The following ATPAF1 variants were observed in gnomAD, a reference collection of about 807,000 sequenced individuals.
ATPAF1 encodes the protein homolog of yeast ATP11.
In ATPAF1, 26 loss-of-function variants were observed where a neutral mutation model predicts 43.9. That is an observed-to-expected ratio of 0.59 (90% CI 0.43 to 0.82). ATPAF1 has a LOEUF of 0.82. ATPAF1 is among the 40% of genes least tolerant of loss of function. The pLI, the probability that ATPAF1 is intolerant of heterozygous loss-of-function variation, is 0.00. For synonymous variants in ATPAF1, 157 were observed against 168.0 expected, an observed-to-expected ratio of 0.93 and a Z score of 0.50; for missense variants, 366 against 435.0, an observed-to-expected ratio of 0.84 and a Z score of 1.41.
In ATPAF1 at chr1:46,665,852, A is replaced by G. The variant is rs1297757208; in HGVS notation, c.267-488T>C. ...TAGCCTATTTTGCAGAAGATTTAGC[A>G]TCTGAGTATCTCCCTAACCTACCCT... On this transcript the variant is annotated intron_variant, in intron 1 of 8. Transcript: ENST00000574428. 5 of 1,424,090 alleles carry G rather than the reference A, an allele frequency of 3.5e-6. No individual in the cohort carries two copies. In the African/African-American group the frequency reaches 7.3e-5, roughly 21 times the overall value. The allele number at this position is 1,424,090 out of a possible 1,614,324, so 88.2% of individuals were successfully genotyped here.
chr1:46,638,547 G>A lies in ATPAF1; in HGVS notation c.793-2577C>T, dbSNP rs371431809. ...TGAGGCAGGAGAATGGCGTGAACCCGGGAGGCAGAGCTTGCAGTGAGCCGA... is the reference window on the plus strand; with the variant it reads ...TGAGGCAGGAGAATGGCGTGAACCCAGGAGGCAGAGCTTGCAGTGAGCCGA... On this transcript the variant is annotated intron_variant, in intron 8 of 8. Transcript: ENST00000574428. Among the ~76,000 whole-genome samples the A allele has an allele frequency of 2.8e-4, 43 of 151,908 alleles. No homozygotes were observed. In the East Asian group the frequency reaches 6.2e-3, roughly 22 times the overall value.
downstream of ATPAF1, chr1:46,633,634 A>C (rs1675788373): frequency 4.8e-6 from 2 of 417,500 alleles, no homozygotes; most frequent in Admixed American, 6.7e-5. Context: ...AAATATAAAG[A>C]ACAGCTACGT....
At position 46,643,189 on chromosome 1, in the gene ATPAF1, C is replaced by T; in HGVS notation, c.792+5G>A. The stretch of plus-strand genomic sequence containing the variant: ...ATCCAAAGAGTTTTGCAAGTTAATT[C>T]TTACCAGAAATGTGGAATCCATTTC... On this transcript the variant is annotated splice_donor_5th_base_variant and intron_variant, in intron 8 of 8. Coordinates refer to ENST00000574428, the Ensembl canonical transcript of ATPAF1. The T allele has an allele frequency of 6.2e-7, 1 of 1,607,932 alleles. No individual in the cohort carries two copies. The highest frequency in any genetic ancestry group is 8.5e-7 in the Non-Finnish European group (1 of 1,174,844).
chr1:46,633,953 G>C, downstream of ATPAF1: 1 of 404,438 alleles, frequency 2.5e-6, no homozygotes, highest in South Asian at 1.8e-5. Flanking sequence ...GGGCAGATAA[G>C]ACTCAAGTTT....
chr1:46,655,155 C>T (rs966779828), intron 4 of ATPAF1, among the ~76,000 whole-genome samples: 44 of 152,142 alleles, frequency 2.9e-4, no homozygotes, highest in Admixed American at 2.8e-3. Flanking sequence ...GTAACTGCCC[C>T]TATGATTCAA....
At chr1:46,643,053 A>T in intron 8 of ATPAF1, 141 bp downstream of exon 8, 1 of 679,652 alleles carries the variant, frequency 1.5e-6, no homozygotes, top group South Asian at 1.8e-5. Context: ...GAGCAAGACA[A>T]CTTCACTGTC....
At chr1:46,648,215 G>A (rs1383435892) in intron 6 of ATPAF1, among the ~76,000 whole-genome samples, 8 of 152,092 alleles carry the variant, frequency 5.3e-5, no homozygotes, top group Admixed American at 4.6e-4. Context: ...AGGTTCAAGC[G>A]ATTCTCATGC....
At chr1:46,638,334 T>C (rs1675878145) in intron 8 of ATPAF1, among the ~76,000 whole-genome samples, 1 of 152,140 alleles carries the variant, frequency 6.6e-6, no homozygotes, top group Non-Finnish European at 1.5e-5. Flanking sequence ...AAAAAGAAGT[T>C]TGGGCCAGGC....
chr1:46,635,677 G>T, exon 9 of ATPAF1: 1 of 1,209,316 alleles, frequency 8.3e-7, no homozygotes, highest in Non-Finnish European at 1.2e-6. Flanking sequence ...ATTACCAACT[G>T]CTCATTATAA....
intron 8 of ATPAF1, among the ~76,000 whole-genome samples, chr1:46,642,976 G>A (rs1181143823): frequency 6.6e-6 from 1 of 152,174 alleles, no homozygotes; most frequent in Non-Finnish European, 1.5e-5. Flanking sequence ...TGTTCTCAGA[G>A]CCCATGGGTT....
intron 8 of ATPAF1, among the ~76,000 whole-genome samples, chr1:46,637,629 C>T (rs746366671): frequency 7.2e-5 from 11 of 152,104 alleles, no homozygotes; most frequent in East Asian, 1.9e-4. Context: ...ATGATGAAGA[C>T]GGGTTTATAA....
chr1:46,663,911 T>A, intron 2 of ATPAF1: 1 of 1,284,938 alleles, frequency 7.8e-7, no homozygotes, highest in Non-Finnish European at 1.0e-6. Context: ...ACCAGTTTGT[T>A]CTGTGCACCA....
chr1:46,659,851 T>C (rs896969666), intron 2 of ATPAF1, among the ~76,000 whole-genome samples: 1 of 152,230 alleles, frequency 6.6e-6, no homozygotes, highest in African/African-American at 2.4e-5. Context: ...ACCCACAAAT[T>C]AGAGAAAAGC....
At chr1:46,642,162 T>C (rs747188787) in intron 8 of ATPAF1, among the ~76,000 whole-genome samples, 1 of 152,164 alleles carries the variant, frequency 6.6e-6, no homozygotes, top group Non-Finnish European at 1.5e-5. Context: ...GAAGGGTTAA[T>C]GTGGAAGGAA....
chr1:46,644,543 A>G (rs1676004227), intron 7 of ATPAF1, among the ~76,000 whole-genome samples: 1 of 149,220 alleles, frequency 6.7e-6, no homozygotes, highest in East Asian at 2.0e-4. Context: ...CCCCAACTTC[A>G]AAGCCAATAT....
chr1:46,650,094 T>C (rs1164214876), intron 6 of ATPAF1, among the ~76,000 whole-genome samples: 1 of 152,218 alleles, frequency 6.6e-6, no homozygotes, highest in African/African-American at 2.4e-5. Context: ...CCACCCCACC[T>C]ATTCCTTTTC....
chr1:46,668,057 C>A lies in ATPAF1; in HGVS notation c.266G>T (p.Arg89Met). 1 of 1,413,848 alleles carries A rather than the reference C, an allele frequency of 7.1e-7. No homozygotes were observed. The highest frequency in any genetic ancestry group is 1.5e-5 in the South Asian group (1 of 64,694). The allele number at this position is 1,413,848 out of a possible 1,614,324, so 87.6% of individuals were successfully genotyped here. The stretch of plus-strand genomic sequence containing the variant: ...GCCTCCAGCCAACCCAGGCCCGCAC[C>A]TGCGCAGCAGCTGGATCTTGTCGCG... Residue 89 changes from arginine (R) to methionine (M), a missense_variant and splice_region_variant, in exon 1 of 9, where the codon AGG (arginine) becomes ATG (methionine). Around this residue, in one of 2 missense-constraint regions of ATPAF1, gnomAD observed 186 missense variants for 168.5 expected, o/e 1.10. Transcript: ENST00000574428. The surrounding 1 kb of genome is among the most constrained non-coding windows in gnomAD (Gnocchi z 4.4).
exon 9 of ATPAF1, chr1:46,635,753 G>A (rs770234213): frequency 1.9e-6 from 3 of 1,597,278 alleles, no homozygotes; most frequent in Non-Finnish European, 2.6e-6. Context: ...AGTCAACTAG[G>A]TGAAGGGCCA....
chr1:46,635,634 G>T, exon 9 of ATPAF1: 1 of 727,512 alleles, frequency 1.4e-6, no homozygotes, highest in Non-Finnish European at 2.2e-6. Context: ...GCTCATCTCT[G>T]TGACTGCTTG....
Sources: allele counts gnomAD v4.1 joint callset (sites outside exome capture counted in the v4.1 genomes callset), GRCh38; gene constraint gnomAD v4.1.1; regional missense constraint gnomAD v4.1.1; non-coding constraint Gnocchi (gnomAD v3.1); transcripts MANE v1.5; gene names NCBI Gene and HGNC (gene_info 2026-07-23, HGNC 2026-07-21).